SKIC3: variants seen among roughly 807,000 people sequenced by gnomAD.
SKIC3 encodes SKI3 subunit of superkiller complex, also known as superkiller complex protein 3.
At chr5:95,504,835 T>C in the SKIC3 span, among the ~76,000 whole-genome samples, 1 of 151,910 alleles carries the variant, frequency 6.6e-6, no homozygotes, top group Non-Finnish European at 1.5e-5. Context: ...ACCCCGTCTC[T>C]AATAAAAAAA....
chr5:95,503,234 C>T, the SKIC3 span, among the ~76,000 whole-genome samples: 1 of 152,170 alleles, frequency 6.6e-6, no homozygotes, highest in South Asian at 2.1e-4. Flanking sequence ...TCCCTAACTT[C>T]TACGTTCGGA....
chr5:95,501,872 G>GTT, the SKIC3 span, among the ~76,000 whole-genome samples: 1 of 152,076 alleles, frequency 6.6e-6, no homozygotes, highest in Non-Finnish European at 1.5e-5. Flanking sequence ...CTTGGAACAT[G>GTT]TTATATATAA....
chr5:95,467,735 C>T, the SKIC3 span: 1 of 1,323,772 alleles, frequency 7.6e-7, no homozygotes, highest in Non-Finnish European at 1.0e-6. Flanking sequence ...AAATTACACA[C>T]TCAGTTTTTA....
chr5:95,512,211 T>C, the SKIC3 span, among the ~76,000 whole-genome samples: 1 of 152,154 alleles, frequency 6.6e-6, no homozygotes, highest in Non-Finnish European at 1.5e-5. Flanking sequence ...TAGTGTATAG[T>C]GGAGAGTGTA....
the SKIC3 span, among the ~76,000 whole-genome samples, chr5:95,515,636 C>T: frequency 1.3e-5 from 2 of 152,034 alleles, no homozygotes; most frequent in South Asian, 2.1e-4. Flanking sequence ...AAAAAGTTCA[C>T]GTATTTTAAA....
Sources: gnomAD v4.1 joint callset for allele counts (sites outside exome capture counted in the v4.1 genomes callset) on GRCh38, gnomAD v4.1.1 for gene constraint, MANE v1.5 for transcripts, NCBI Gene and HGNC (gene_info 2026-07-23, HGNC 2026-07-21) for gene names.